The following ADAM12 variants were observed in gnomAD, a reference collection of about 807,000 sequenced individuals.
The protein encoded by ADAM12 is ADAM metallopeptidase domain 12.
A neutral mutation model predicts 106.4 loss-of-function variants in ADAM12; 70 were observed. The observed-to-expected ratio is 0.66, with a 90% CI of 0.54 to 0.80. ADAM12 has a LOEUF of 0.80. ADAM12 is among the 30% of genes least tolerant of loss of function. ADAM12 has a pLI of 0.00. For missense variants in ADAM12, 1,010 were observed against 1,171.9 expected (o/e 0.86, Z 2.02); for synonymous variants, 420 against 433.5 (o/e 0.97, Z 0.39).
At chr10:126,227,326 GTCA>G (rs762016083) in intron 3 of ADAM12, among the ~76,000 whole-genome samples, 25 of 151,954 alleles carry the variant, frequency 1.6e-4, no homozygotes, top group Non-Finnish European at 3.7e-4. Context: ...ATCACCACCT[GTCA>G]TCATAACCAC....
At position 126,156,314 on chromosome 10, in the gene ADAM12, A is replaced by G. The variant is rs892190748; in HGVS notation, c.261-1009T>C. 1.5e-4 allele frequency among the ~76,000 whole-genome samples: 23 copies of G among 152,362 alleles called. No individual in the cohort carries two copies. The East Asian group carries it at 1.9e-3, about 13-fold the overall frequency. ...GATTCATGCTGACTTTCTAGAACTA[A>G]GTCAAACGGAAACACTTCAGCTATG... is the stretch of plus-strand genomic sequence containing the variant. On this transcript the variant is annotated intron_variant, in intron 3 of 22. Coordinates refer to ENST00000448723, the MANE Select transcript of ADAM12 (RefSeq NM_001288973.2).
chr10:126,234,321 T>C (rs1031915339), intron 3 of ADAM12, among the ~76,000 whole-genome samples: 1 of 152,226 alleles, frequency 6.6e-6, no homozygotes, highest in Non-Finnish European at 1.5e-5. Flanking sequence ...CAATTAAAAC[T>C]GCATATGTTA....
intron 4 of ADAM12, among the ~76,000 whole-genome samples, chr10:126,146,069 G>C (rs1956621889): frequency 6.6e-6 from 1 of 152,232 alleles, no homozygotes. Flanking sequence ...GGTTATACTG[G>C]TAGTTGGGAG....
chr10:126,149,837 G>A (rs11244844), intron 4 of ADAM12, among the ~76,000 whole-genome samples: 29,541 of 152,038 alleles, frequency 0.19, 3,299 homozygotes, highest in Non-Finnish European at 0.26. Flanking sequence ...TTTGGGACTT[G>A]GATTGGCTTC....
intron 3 of ADAM12, among the ~76,000 whole-genome samples, chr10:126,198,116 G>A (rs1565132052): frequency 6.6e-6 from 1 of 152,236 alleles, no homozygotes; most frequent in East Asian, 1.9e-4. Context: ...AAGATGGACA[G>A]CCACTACGGG....
chr10:126,372,871 GAA>G (rs1042281827), intron 1 of ADAM12, among the ~76,000 whole-genome samples: 1 of 152,196 alleles, frequency 6.6e-6, no homozygotes, highest in Admixed American at 6.5e-5. Flanking sequence ...ACAAGAAACA[GAA>G]AAGAGACTAA....
chr10:126,300,105 G>A (rs957620953), intron 2 of ADAM12, among the ~76,000 whole-genome samples: 25 of 152,034 alleles, frequency 1.6e-4, no homozygotes, highest in Non-Finnish European at 2.6e-4. Context: ...CTTAAGATGC[G>A]AGCATGCAAC....
chr10:126,280,451 A>G (rs1959518560), intron 2 of ADAM12, among the ~76,000 whole-genome samples: 1 of 152,248 alleles, frequency 6.6e-6, no homozygotes, highest in African/African-American at 2.4e-5. Flanking sequence ...TACTGGACAC[A>G]TTGCCAGACT....
At chr10:126,149,110 G>A (rs1345460479) in intron 4 of ADAM12, among the ~76,000 whole-genome samples, 1 of 152,192 alleles carries the variant, frequency 6.6e-6, no homozygotes, top group Non-Finnish European at 1.5e-5. Context: ...GAGGGGAATG[G>A]AGCAGACATT....
At chr10:126,166,781 C>A (rs1253552987) in intron 3 of ADAM12, among the ~76,000 whole-genome samples, 5 of 152,190 alleles carry the variant, frequency 3.3e-5, no homozygotes, top group African/African-American at 1.2e-4. Context: ...TCATGCCCGG[C>A]CTCAGGCTGT....
intron 1 of ADAM12, among the ~76,000 whole-genome samples, chr10:126,343,960 A>C (rs1855040048): frequency 6.6e-6 from 1 of 152,098 alleles, no homozygotes; most frequent in South Asian, 2.1e-4. Flanking sequence ...ATTTTCTCCC[A>C]TTATGTAGAT....
rs375035838 is a variant in ADAM12, at chr10:126,144,686, C to T, written c.340-9026G>A. Among the ~76,000 whole-genome samples, 8 of 152,254 alleles carry T rather than the reference C, an allele frequency of 5.3e-5. No individual in the cohort carries two copies. The East Asian group carries it at 9.6e-4, about 18-fold the overall frequency. ...TTGCAATTTGATGGAGACACACAGG[C>T]CTGAACAACTCAGTTATCAGCCGCA... On this transcript the variant is annotated intron_variant, in intron 4 of 22. Coordinates refer to ENST00000448723, the MANE Select transcript of ADAM12 (RefSeq NM_001288973.2).
At chr10:126,148,057 A>G (rs112419134) in intron 4 of ADAM12, among the ~76,000 whole-genome samples, 5 of 152,316 alleles carry the variant, frequency 3.3e-5, no homozygotes, top group African/African-American at 1.2e-4. Flanking sequence ...AAAAGTAACA[A>G]TATAAAACAT....
chr10:126,346,607 A>G (rs539173939), intron 1 of ADAM12, among the ~76,000 whole-genome samples: 1 of 152,310 alleles, frequency 6.6e-6, no homozygotes, highest in African/African-American at 2.4e-5. Flanking sequence ...GATCTGTCTA[A>G]CGTTGACAGT....
At chr10:126,186,948 A>C (rs149469293) in intron 3 of ADAM12, among the ~76,000 whole-genome samples, 1 of 152,300 alleles carries the variant, frequency 6.6e-6, no homozygotes, top group African/African-American at 2.4e-5. Context: ...AGTCATCATG[A>C]GCAAATATGC....
rs146651991 is a variant in ADAM12 at position 126,335,322 on chromosome 10, T to C, written c.89-4813A>G. 1.2e-4 allele frequency among the ~76,000 whole-genome samples: 19 copies of C among 152,312 alleles called. No homozygotes were observed. In the East Asian group the frequency reaches 3.5e-3, roughly 28 times the overall value. ...AGGGAAATCATTATCAACACCTACATGAACTTTAAAATGGAGAATCAATCT... is the reference window on the plus strand; with the variant it reads ...AGGGAAATCATTATCAACACCTACACGAACTTTAAAATGGAGAATCAATCT... On this transcript the variant is annotated intron_variant, in intron 1 of 22. Transcript: ENST00000448723.
intron 3 of ADAM12, among the ~76,000 whole-genome samples, chr10:126,213,006 T>A (rs1350421878): frequency 6.6e-6 from 1 of 152,130 alleles, no homozygotes; most frequent in Non-Finnish European, 1.5e-5. Flanking sequence ...GTGGGAGGGA[T>A]CTTTAGTAAG....
chr10:126,120,602 T>C (rs1850916901), intron 5 of ADAM12, among the ~76,000 whole-genome samples: 1 of 151,760 alleles, frequency 6.6e-6, no homozygotes, highest in South Asian at 2.1e-4. Context: ...TTTTGGAGGG[T>C]CTATAGTTTA....
intron 2 of ADAM12, among the ~76,000 whole-genome samples, chr10:126,314,923 G>A (rs1961278636): frequency 6.6e-6 from 1 of 152,254 alleles, no homozygotes; most frequent in South Asian, 2.1e-4. Flanking sequence ...GAGAAGCGGG[G>A]GTTTCAGCAG....
Sources: gnomAD v4.1 joint callset for allele counts (sites outside exome capture counted in the v4.1 genomes callset) on GRCh38, gnomAD v4.1.1 for gene constraint, MANE v1.5 for transcripts, NCBI Gene and HGNC (gene_info 2026-07-23, HGNC 2026-07-21) for gene names.